EBPL: variants seen among roughly 807,000 people sequenced by gnomAD.
EBPL encodes the protein EBP like.
A neutral mutation model predicts 19.0 loss-of-function variants in EBPL; 20 were observed. The ratio of observed to expected loss-of-function variants is 1.05; its 90% confidence interval spans 0.74 to 1.53. The LOEUF is 1.53. Ranked by LOEUF, EBPL falls within the 40% of genes most tolerant of loss-of-function variation. The pLI, the probability that EBPL is intolerant of heterozygous loss-of-function variation, is 0.00. For synonymous variants in EBPL, 107 were observed against 117.0 expected (o/e 0.91, Z 0.55); for missense variants, 219 against 261.1 (o/e 0.84, Z 1.11).
chr13:49,691,401 C>T lies in EBPL; in HGVS notation c.24G>A (p.Gly8=), dbSNP rs755777881. 7.4e-7 allele frequency: 1 copy of T among 1,360,020 alleles called. No individual in the cohort carries two copies. The highest frequency in any genetic ancestry group is 2.8e-5 in the East Asian group (1 of 35,854). The allele number at this position is 1,360,020 out of a possible 1,614,324, so 84.2% of individuals were successfully genotyped here. The stretch of plus-strand genomic sequence containing the variant: ...GCAGCAGCGAACCGCCAGCCTCGGC[C>T]CCCAGCTCCCACTCAGCGCCCATGC... The part of the protein sequence containing the change: MGAEWEL[G]AEAGGSLLLC... Residue 8 remains glycine, a synonymous_variant, in exon 1 of 4, where the codon GGG becomes GGA. Transcript: ENST00000242827.
At chr13:49,671,429 G>A (rs542470733) in intron 1 of EBPL, among the ~76,000 whole-genome samples, 19 of 152,154 alleles carry the variant, frequency 1.2e-4, no homozygotes, top group African/African-American at 4.3e-4. Context: ...GTGAGTCACC[G>A]TGCCAGGCTC....
intron 3 of EBPL, among the ~76,000 whole-genome samples, chr13:49,661,539 A>G (rs1779678217): frequency 6.6e-6 from 1 of 152,222 alleles, no homozygotes; most frequent in African/African-American, 2.4e-5. Flanking sequence ...GAATCTCACC[A>G]TGAGCCATTA....
intron 1 of EBPL, among the ~76,000 whole-genome samples, chr13:49,675,886 T>G (rs1341721093): frequency 6.6e-6 from 1 of 151,880 alleles, no homozygotes; most frequent in East Asian, 1.9e-4. Flanking sequence ...TTGTTTTTTT[T>G]TTTTTAATAG....
At chr13:49,672,768 G>T (rs543342593) in intron 1 of EBPL, among the ~76,000 whole-genome samples, 1 of 152,104 alleles carries the variant, frequency 6.6e-6, no homozygotes, top group Non-Finnish European at 1.5e-5. Flanking sequence ...TATCAGAATG[G>T]CTAAAATAAG....
chr13:49,687,843 CGCTAGAGTTT>C (rs1157912803), intron 1 of EBPL, among the ~76,000 whole-genome samples: 1 of 152,178 alleles, frequency 6.6e-6, no homozygotes, highest in East Asian at 1.9e-4. Context: ...AAATCTCGGA[CGCTAGAGTTT>C]CTGACTTAAC....
At chr13:49,673,912 TG>T in intron 1 of EBPL, among the ~76,000 whole-genome samples, 1 of 150,544 alleles carries the variant, frequency 6.6e-6, no homozygotes, top group South Asian at 2.1e-4. Flanking sequence ...CCTGGGCTGT[TG>T]TGGTTGATAT....
intron 1 of EBPL, among the ~76,000 whole-genome samples, chr13:49,677,499 T>C (rs1036997962): frequency 6.6e-6 from 1 of 152,234 alleles, no homozygotes; most frequent in Non-Finnish European, 1.5e-5. Flanking sequence ...CCCACCACTT[T>C]AGGCTGCACC....
At chr13:49,663,025 T>A in intron 3 of EBPL, 32 bp downstream of exon 3, 1 of 1,611,976 alleles carries the variant, frequency 6.2e-7, no homozygotes, top group Non-Finnish European at 8.5e-7. Context: ...ATGTCTCCCC[T>A]CCTTCCAGCA....
At chr13:49,662,650 T>C (rs1965167016) in intron 3 of EBPL, among the ~76,000 whole-genome samples, 1 of 152,100 alleles carries the variant, frequency 6.6e-6, no homozygotes, top group South Asian at 2.1e-4. Flanking sequence ...TGCTTTTTTT[T>C]TTTGGAGACA....
chr13:49,684,058 C>A lies in EBPL; in HGVS notation c.171+7196G>T, dbSNP rs539548620. ...TCATTTTTATGAAATTATAGGACAG[C>A]AAAACTTTAAAGACAGAAGGCAGAC... is the stretch of plus-strand genomic sequence containing the variant. On this transcript the variant is annotated intron_variant, in intron 1 of 3. Transcript: ENST00000242827. 2.0e-5 allele frequency among the ~76,000 whole-genome samples: 3 copies of A among 152,206 alleles called. No homozygotes were observed. In the East Asian group the frequency reaches 5.8e-4, roughly 29 times the overall value.
rs570770583 is a variant in EBPL at position 49,666,159 on chromosome 13, AG to A, written c.242-2965del. ...AGGCAGGCTTTGCAGTAACAAGAGG[AG>A]GGGGTGGGATGAGCCCTGGTTCCCC... On this transcript the variant is annotated intron_variant, in intron 2 of 3. Transcript: ENST00000242827. Among the ~76,000 whole-genome samples, 772 of 151,580 alleles carry A rather than the reference AG, an allele frequency of 5.1e-3. 7 individuals are homozygous for A. Among genetic ancestry groups the A allele is most frequent in the Non-Finnish European group, 5.8e-3 (394 of 67,892 alleles).
chr13:49,691,372 C>A lies in EBPL; in HGVS notation c.53G>T (p.Cys18Phe). 1 of 1,370,580 alleles carries A rather than the reference C, an allele frequency of 7.3e-7. No homozygotes were observed. Among genetic ancestry groups the A allele is most frequent in the Non-Finnish European group, 9.4e-7 (1 of 1,059,232 alleles). The allele number at this position is 1,370,580 out of a possible 1,614,324, so 84.9% of individuals were successfully genotyped here. ...GAEAGGSLLL[C>F]AALLAAGCAL... is the part of the protein sequence containing the mutation. The stretch of plus-strand genomic sequence containing the variant: ...GCAGCCCGCCGCCAGCAGCGCGGCG[C>A]ACAGCAGCAGCGAACCGCCAGCCTC... The change falls in exon 1 of 4, where the codon TGC becomes TTC. Residue 18 changes from cysteine (C) to phenylalanine (F), a missense_variant. Transcript: ENST00000242827.
At chr13:49,663,755 G>T (rs1965183260) in intron 2 of EBPL, among the ~76,000 whole-genome samples, 1 of 149,962 alleles carries the variant, frequency 6.7e-6, no homozygotes, top group Admixed American at 6.7e-5. Context: ...GGCCAACATG[G>T]TGAAACCCTG....
intron 3 of EBPL, among the ~76,000 whole-genome samples, chr13:49,662,357 T>C (rs1467713651): frequency 6.6e-6 from 1 of 152,182 alleles, no homozygotes; most frequent in Non-Finnish European, 1.5e-5. Flanking sequence ...TTCCTATTTA[T>C]CTTGCAAGTC....
rs1237848607 is a variant in EBPL at position 49,661,896 on chromosome 13, T to C, written c.381-688A>G. 6 of 1,550,612 alleles carry C rather than the reference T, an allele frequency of 3.9e-6. No individual in the cohort carries two copies. In the Admixed American group the frequency reaches 5.9e-5, roughly 15 times the overall value. On this transcript the variant is annotated intron_variant, in intron 3 of 3. Coordinates refer to ENST00000242827, the MANE Select transcript of EBPL (RefSeq NM_032565.5). ...ATTGTTTTAGGGATTCATCTCAGGA[T>C]AGCAATCTATTCACCCCAGGCCACT...
At chr13:49,663,228 G>C (rs1965175376) in intron 2 of EBPL, 33 bp from the exon 3 acceptor site, 2 of 1,609,464 alleles carry the variant, frequency 1.2e-6, no homozygotes, top group Non-Finnish European at 1.7e-6. Context: ...TACTCAAATG[G>C]CAACAATTTT....
chr13:49,666,585 G>A lies in EBPL; in HGVS notation c.241+3192C>T, dbSNP rs550669273. ...AAATTAGCCAGGCGTGGTGGTGGGC[G>A]CCTGTAATCCCAGCTACTCGGGAGG... On this transcript the variant is annotated intron_variant, in intron 2 of 3. Coordinates refer to ENST00000242827, the MANE Select transcript of EBPL (RefSeq NM_032565.5). Among the ~76,000 whole-genome samples, 8 of 151,502 alleles carry A rather than the reference G, an allele frequency of 5.3e-5. No homozygotes were observed. In the South Asian group the frequency reaches 6.3e-4, roughly 12 times the overall value.
At chr13:49,672,531 A>G (rs1416379109) in intron 1 of EBPL, among the ~76,000 whole-genome samples, 1 of 152,256 alleles carries the variant, frequency 6.6e-6, no homozygotes, top group Non-Finnish European at 1.5e-5. Context: ...CATGCTAATA[A>G]GCGTTTCCTA....
At chr13:49,687,872 A>C (rs1220545900) in intron 1 of EBPL, among the ~76,000 whole-genome samples, 1 of 152,120 alleles carries the variant, frequency 6.6e-6, no homozygotes, top group Non-Finnish European at 1.5e-5. Flanking sequence ...ACACATCACC[A>C]CTAAATTATC....
Sources: allele counts gnomAD v4.1 joint callset (sites outside exome capture counted in the v4.1 genomes callset), GRCh38; gene constraint gnomAD v4.1.1; transcripts MANE v1.5; gene names NCBI Gene and HGNC (gene_info 2026-07-23, HGNC 2026-07-21).